PCDH15: variants seen among roughly 807,000 people sequenced by gnomAD.
The protein encoded by PCDH15 is protocadherin related 15.
A neutral mutation model predicts 178.5 loss-of-function variants in PCDH15; 129 were observed. The ratio of observed to expected loss-of-function variants is 0.72; its 90% CI spans 0.63 to 0.84. PCDH15 has a LOEUF of 0.84. Among genes scored for constraint, PCDH15 ranks in the 40% least tolerant of loss-of-function variants. The pLI, the probability that PCDH15 is intolerant of heterozygous loss-of-function variation, is 0.00. For synonymous variants in PCDH15, 800 were observed against 732.0 expected (o/e 1.09, Z -1.50); for missense variants, 2,230 against 2,099.9 (o/e 1.06, Z -1.21).
chr10:55,448,186 C>G (rs1350528902), intron 2 of PCDH15, among the ~76,000 whole-genome samples: 2 of 151,944 alleles, frequency 1.3e-5, no homozygotes, highest in African/African-American at 4.8e-5. Context: ...GATCGTAATT[C>G]CATAGGCATC....
At chr10:54,431,129 G>T (rs1956918839) in intron 3 of PCDH15, among the ~76,000 whole-genome samples, 1 of 151,976 alleles carries the variant, frequency 6.6e-6, no homozygotes, top group Non-Finnish European at 1.5e-5. Flanking sequence ...AACTATCCCG[G>T]TAAAGAAAAG....
chr10:54,014,413 G>A (rs563840587), intron 20 of PCDH15, among the ~76,000 whole-genome samples: 13 of 152,138 alleles, frequency 8.5e-5, no homozygotes, highest in Admixed American at 2.6e-4. Flanking sequence ...CTCACTCTAT[G>A]AGGCCAAAAT....
chr10:53,954,644 T>C (rs1487554275), intron 23 of PCDH15, among the ~76,000 whole-genome samples: 2 of 152,228 alleles, frequency 1.3e-5, no homozygotes, highest in African/African-American at 4.8e-5. Flanking sequence ...AAGTAATTCA[T>C]TGTATAAAAT....
chr10:54,383,619 ATGTGTGTTTTTGTGTGTG>A lies in PCDH15; in HGVS notation c.158-4695_158-4678del, dbSNP rs1381733711. 5.9e-4 allele frequency among the ~76,000 whole-genome samples: 14 copies of A among 23,868 alleles called. No individual in the cohort carries two copies. In the Admixed American group the frequency reaches 6.2e-3, roughly 11 times the overall value. The allele number at this position is 23,868 out of a possible 152,430, so 15.7% of individuals were successfully genotyped here. A position where few individuals can be genotyped will look rare whatever the true frequency, so the allele number is the denominator to read the frequency against. Reference sequence around the variant, plus strand: ...AAAGTACAAGCATACCATGCCGTGTATGTGTGTTTTTGTGTGTGTGTGTGTGTGTGTGTGTGTGTGTGT... The same window carrying A: ...AAAGTACAAGCATACCATGCCGTGTATGTGTGTGTGTGTGTGTGTGTGTGT... On this transcript the variant is annotated intron_variant, in intron 3 of 37. Transcript: ENST00000644397.
rs527884678 is a variant in PCDH15 at position 54,225,602 on chromosome 10, C to T, written c.985+11221G>A. Among the ~76,000 whole-genome samples the T allele has an allele frequency of 1.8e-4, 28 of 152,228 alleles. 2 individuals are homozygous for T. The highest frequency in any genetic ancestry group is 6.2e-4 in the South Asian group (3 of 4,812). ...AATCACTGAAGGAAACTTTCTAAAA[C>T]GCTACTTTTATTGCCCAATTATCTA... On this transcript the variant is annotated intron_variant, in intron 9 of 37. Coordinates refer to ENST00000644397, the MANE Select transcript of PCDH15 (RefSeq NM_001384140.1).
intron 1 of PCDH15, among the ~76,000 whole-genome samples, chr10:55,176,588 C>G (rs919125905): frequency 1.2e-4 from 19 of 152,250 alleles, no homozygotes; most frequent in African/African-American, 3.9e-4. Flanking sequence ...CATCTTCAAA[C>G]CCTGCAACAA....
chr10:55,283,339 T>C (rs1020854270), intron 1 of PCDH15, among the ~76,000 whole-genome samples: 51 of 152,146 alleles, frequency 3.4e-4, no homozygotes, highest in Middle Eastern at 3.4e-3. Flanking sequence ...CTTGACTAAA[T>C]GGTGCCTTAA....
At chr10:54,208,888 T>G in intron 10 of PCDH15, among the ~76,000 whole-genome samples, 1 of 152,068 alleles carries the variant, frequency 6.6e-6, no homozygotes, top group East Asian at 1.9e-4. Flanking sequence ...TGATGTTTTT[T>G]CTCTTGTCCT....
At chr10:53,886,776 A>G (rs1352597827) in intron 26 of PCDH15, among the ~76,000 whole-genome samples, 1 of 152,106 alleles carries the variant, frequency 6.6e-6, no homozygotes, top group Admixed American at 6.6e-5. Context: ...GAATATGTTC[A>G]GAGCTCACTG....
chr10:54,251,188 T>G (rs966132743), intron 8 of PCDH15, among the ~76,000 whole-genome samples: 6 of 152,188 alleles, frequency 3.9e-5, no homozygotes, highest in African/African-American at 1.4e-4. Flanking sequence ...ATCTTTGCTT[T>G]CTTTATGCTT....
intron 3 of PCDH15, among the ~76,000 whole-genome samples, chr10:54,513,628 C>T: frequency 6.6e-6 from 1 of 152,180 alleles, no homozygotes; most frequent in Non-Finnish European, 1.5e-5. Context: ...TATTTTTATA[C>T]ATGCAAGGTG....
chr10:53,819,614 ATCTTTCTTAAG>A (rs1372678965), intron 33 of PCDH15, among the ~76,000 whole-genome samples: 12 of 152,110 alleles, frequency 7.9e-5, no homozygotes, highest in African/African-American at 2.9e-4. Context: ...ATGTTTGGTC[ATCTTTCTTAAG>A]TCTTTATTTA....
rs765713858 is a variant in PCDH15 at position 53,810,624 on chromosome 10, G to GTAAC, written c.4599_4602dup (p.Pro1535ValfsTer11). On this transcript the variant is annotated frameshift_variant, in exon 37 of 38. Coordinates refer to ENST00000644397, the MANE Select transcript of PCDH15 (RefSeq NM_001384140.1). LOFTEE classifies it high-confidence loss of function. The stretch of plus-strand genomic sequence containing the variant: ...CCATATTCCTCCTGTCCAGCTGGTG[G>GTAAC]TAACAATCGACGGCGACTCCCATAT... 3.1e-6 allele frequency: 5 copies of GTAAC among 1,613,744 alleles called. No homozygotes were observed. The highest frequency in any genetic ancestry group is 4.2e-6 in the Non-Finnish European group (5 of 1,179,796).
intron 2 of PCDH15, among the ~76,000 whole-genome samples, chr10:54,588,276 G>T (rs2091638058): frequency 6.6e-6 from 1 of 152,020 alleles, no homozygotes. Flanking sequence ...ACATAATTAT[G>T]GAAAAGGCAT....
At chr10:54,427,489 G>A (rs929569179) in intron 3 of PCDH15, among the ~76,000 whole-genome samples, 8 of 151,352 alleles carry the variant, frequency 5.3e-5, no homozygotes, top group African/African-American at 1.7e-4. Flanking sequence ...TGTTGGTCAC[G>A]CTTGTATTGA....
chr10:55,050,572 G>T (rs1429514627), intron 2 of PCDH15, among the ~76,000 whole-genome samples: 1 of 151,990 alleles, frequency 6.6e-6, no homozygotes, highest in East Asian at 1.9e-4. Context: ...AGCTAAAAGT[G>T]CATCAAAAGA....
intron 2 of PCDH15, among the ~76,000 whole-genome samples, chr10:55,622,546 AG>A (rs1268982205): frequency 6.6e-6 from 1 of 152,162 alleles, no homozygotes; most frequent in African/African-American, 2.4e-5. Context: ...TGTAGGATGC[AG>A]TCCAGAAACA....
chr10:55,031,095 A>G (rs1483654444), intron 2 of PCDH15, among the ~76,000 whole-genome samples: 1 of 152,118 alleles, frequency 6.6e-6, no homozygotes, highest in African/African-American at 2.4e-5. Flanking sequence ...ATGACACTGT[A>G]AGATTTGTTT....
intron 2 of PCDH15, among the ~76,000 whole-genome samples, chr10:55,344,407 T>C (rs547982997): frequency 6.6e-6 from 1 of 151,964 alleles, no homozygotes; most frequent in South Asian, 2.1e-4. Flanking sequence ...AGAGATAAAT[T>C]AGGAGTTTAT....
Sources: gnomAD v4.1 joint callset for allele counts (sites outside exome capture counted in the v4.1 genomes callset) on GRCh38, gnomAD v4.1.1 for gene constraint, MANE v1.5 for transcripts, NCBI Gene and HGNC (gene_info 2026-07-23, HGNC 2026-07-21) for gene names.